The following SERINC5 variants were observed in gnomAD, a reference collection of about 807,000 sequenced individuals.
SERINC5 encodes the protein serine incorporator 5.
Under a neutral mutation model 63.1 loss-of-function variants are expected in SERINC5, and 41 were observed. The observed-to-expected ratio is 0.65, with a 90% CI of 0.51 to 0.84. The LOEUF (loss-of-function observed/expected upper bound fraction) is 0.84, where lower values mean the gene tolerates loss of function less well. Among genes scored for constraint, SERINC5 ranks in the 40% least tolerant of loss-of-function variants. The pLI is 0.00. For missense variants in SERINC5, 523 were observed against 573.0 expected (o/e 0.91, Z 0.89); for synonymous variants, 222 against 215.2 (o/e 1.03, Z -0.28).
At chr5:80,211,235 C>G (rs1750416763) in intron 1 of SERINC5, among the ~76,000 whole-genome samples, 1 of 152,138 alleles carries the variant, frequency 6.6e-6, no homozygotes, top group Non-Finnish European at 1.5e-5. Flanking sequence ...ATGTAAGAAG[C>G]CACGTTTGCT....
rs916087297 is a variant in SERINC5, at chr5:80,143,130, T to G, written c.*533A>C. The stretch of plus-strand genomic sequence containing the variant: ...GAAGAGGCAGCACTGAGGGTGCAGT[T>G]GAAAAGCAGGTGCCTCCTCTTGGAC... On this transcript the variant is annotated 3_prime_UTR_variant, in exon 12 of 12. Transcript: ENST00000507668. 2.9e-5 allele frequency: 29 copies of G among 985,412 alleles called. No homozygotes were observed. Among genetic ancestry groups the G allele is most frequent in the Non-Finnish European group, 2.3e-5 (19 of 830,098 alleles). 61.0% of individuals were successfully genotyped at this position (985,412 alleles called of 1,614,324 possible).
At chr5:80,208,657 C>T (rs1476819400) in intron 1 of SERINC5, among the ~76,000 whole-genome samples, 1 of 152,154 alleles carries the variant, frequency 6.6e-6, no homozygotes, top group African/African-American at 2.4e-5. Flanking sequence ...AAGGAAGTAA[C>T]ATTCACACAC....
At position 80,169,487 on chromosome 5, in the gene SERINC5, A is replaced by T; in HGVS notation, c.611T>A (p.Ile204Asn). 6.2e-7 allele frequency: 1 copy of T among 1,613,946 alleles called. No individual in the cohort carries two copies. The highest frequency in any genetic ancestry group is 8.5e-7 in the Non-Finnish European group (1 of 1,179,866). Reference sequence around the variant, plus strand: ...GCCTCCAGTGGCAATGGAATACATGATGAGCGTCACCAGGGCCAGGGAGGC... The same window carrying T: ...GCCTCCAGTGGCAATGGAATACATGTTGAGCGTCACCAGGGCCAGGGAGGC... ...WYASLALVTLIMYSIATGGLV... is the reference protein window; with the variant it reads ...WYASLALVTLNMYSIATGGLV... Residue 204 changes from isoleucine to asparagine, a missense_variant, in exon 6 of 12, where the codon ATC (isoleucine) becomes AAC (asparagine). Coordinates refer to ENST00000507668, the MANE Select transcript of SERINC5 (RefSeq NM_001174072.3).
At chr5:80,173,379 A>T (rs924778512) in intron 5 of SERINC5, among the ~76,000 whole-genome samples, 1 of 152,052 alleles carries the variant, frequency 6.6e-6, no homozygotes, top group African/African-American at 2.4e-5. Context: ...GCGGATCACC[A>T]GGTCAGGAGA....
chr5:80,154,534 G>C (rs1005542373), intron 8 of SERINC5, among the ~76,000 whole-genome samples: 8 of 152,094 alleles, frequency 5.3e-5, no homozygotes, highest in African/African-American at 1.7e-4. Flanking sequence ...GGCCAGAGCA[G>C]AATTCCCAAA....
chr5:80,180,158 A>C (rs532539961), intron 2 of SERINC5, among the ~76,000 whole-genome samples: 1 of 152,370 alleles, frequency 6.6e-6, no homozygotes, highest in Non-Finnish European at 1.5e-5. Context: ...CACATGAAAT[A>C]ATCAGTTTCA....
intron 11 of SERINC5, chr5:80,114,523 AC>A (rs1445039351): frequency 4.9e-6 from 1 of 203,446 alleles, no homozygotes; most frequent in East Asian, 1.8e-4. Context: ...CCATGGTGGC[AC>A]ATGCCTGTAA....
intron 2 of SERINC5, among the ~76,000 whole-genome samples, chr5:80,199,373 A>G (rs1194501902): frequency 6.6e-6 from 1 of 152,252 alleles, no homozygotes; most frequent in Non-Finnish European, 1.5e-5. Context: ...CTGATGAAGT[A>G]AGAAAATACA....
At position 80,152,627 on chromosome 5, in the gene SERINC5, G is replaced by T. The variant is rs115768644; in HGVS notation, c.987-1679C>A. On this transcript the variant is annotated intron_variant, in intron 8 of 11. Transcript: ENST00000507668. The stretch of plus-strand genomic sequence containing the variant: ...ACTATCTGAAATTTTCATTTGAAAG[G>T]TTAACATTCATTATTTATGAGGCTC... Among the ~76,000 whole-genome samples the T allele has an allele frequency of 6.4e-3, 974 of 152,216 alleles. 6 individuals carry two copies. The highest frequency in any genetic ancestry group is 0.02 in the African/African-American group (836 of 41,540).
chr5:80,223,210 A>G (rs1750992092), intron 1 of SERINC5, among the ~76,000 whole-genome samples: 1 of 152,160 alleles, frequency 6.6e-6, no homozygotes, highest in African/African-American at 2.4e-5. Flanking sequence ...GCATATAGCT[A>G]TCCCTCAGTA....
chr5:80,193,151 T>C (rs1281747382), intron 2 of SERINC5, among the ~76,000 whole-genome samples: 1 of 152,230 alleles, frequency 6.6e-6, no homozygotes, highest in Non-Finnish European at 1.5e-5. Flanking sequence ...TTTTGAAGAA[T>C]GAGCTCGGAT....
At chr5:80,235,197 T>C (rs1462192063) in intron 1 of SERINC5, among the ~76,000 whole-genome samples, 1 of 152,236 alleles carries the variant, frequency 6.6e-6, no homozygotes, top group Non-Finnish European at 1.5e-5. Flanking sequence ...TTGTGACTTT[T>C]ATTGTATACT....
At chr5:80,149,651 G>A (rs901520011) in intron 9 of SERINC5, among the ~76,000 whole-genome samples, 1 of 152,174 alleles carries the variant, frequency 6.6e-6, no homozygotes, top group Non-Finnish European at 1.5e-5. Flanking sequence ...TTTATATTCT[G>A]GCAAATCAAA....
chr5:80,250,605 C>T (rs1237976867), intron 1 of SERINC5, among the ~76,000 whole-genome samples: 3 of 152,292 alleles, frequency 2.0e-5, no homozygotes, highest in East Asian at 1.9e-4. Context: ...GGATTATAGG[C>T]GTGAGCCACC....
chr5:80,151,808 G>A (rs995748392), intron 8 of SERINC5, among the ~76,000 whole-genome samples: 5 of 152,150 alleles, frequency 3.3e-5, no homozygotes, highest in African/African-American at 9.7e-5. Context: ...CAATCCTGCC[G>A]TCATGTAGCT....
chr5:80,198,340 G>C (rs1350797822), intron 2 of SERINC5, among the ~76,000 whole-genome samples: 1 of 152,158 alleles, frequency 6.6e-6, no homozygotes, highest in Non-Finnish European at 1.5e-5. Context: ...TCCTGGGAAA[G>C]AGGAGTTTCC....
At chr5:80,112,303 G>A (rs11948393) in intron 12 of SERINC5, among the ~76,000 whole-genome samples, 4,734 of 152,198 alleles carry the variant, frequency 0.031, 243 homozygotes, top group African/African-American at 0.11. Flanking sequence ...GAGATGTTTG[G>A]GTGGAGAGAA....
intron 11 of SERINC5, among the ~76,000 whole-genome samples, chr5:80,127,175 T>C (rs1455224304): frequency 6.6e-6 from 1 of 152,220 alleles, no homozygotes; most frequent in East Asian, 1.9e-4. Context: ...CCCCACTTCA[T>C]TGCATCAGCC....
At chr5:80,125,105 G>A (rs186196505) in intron 11 of SERINC5, among the ~76,000 whole-genome samples, 17 of 152,290 alleles carry the variant, frequency 1.1e-4, no homozygotes, top group Middle Eastern at 3.4e-3. Flanking sequence ...TCTAGTGAGC[G>A]ATTTTTCTTG....
Sources: gnomAD v4.1 joint callset for allele counts (sites outside exome capture counted in the v4.1 genomes callset) on GRCh38, gnomAD v4.1.1 for gene constraint, MANE v1.5 for transcripts, NCBI Gene and HGNC (gene_info 2026-07-23, HGNC 2026-07-21) for gene names.